WDPCP: variants seen among roughly 807,000 people sequenced by gnomAD.
WDPCP encodes WD repeat-containing and planar cell polarity effector protein fritz homolog.
In WDPCP, 71 loss-of-function variants were observed where a neutral mutation model predicts 93.1. The observed-to-expected ratio is 0.76, with a 90% CI of 0.63 to 0.93. The LOEUF is 0.93. Among genes scored for constraint, WDPCP ranks in the 40% least tolerant of loss-of-function variants. WDPCP has a pLI of 0.00. For missense variants in WDPCP, 844 were observed against 887.4 expected, an observed-to-expected ratio of 0.95 and a Z score of 0.62; for synonymous variants, 315 against 315.0, an observed-to-expected ratio of 1.00 and a Z score of 0.00.
At chr2:63,307,812 T>C (rs1685859710) in intron 13 of WDPCP, among the ~76,000 whole-genome samples, 1 of 152,144 alleles carries the variant, frequency 6.6e-6, no homozygotes, top group Non-Finnish European at 1.5e-5. Flanking sequence ...GACACAGGCA[T>C]GGGCAAAGAC....
intron 2 of WDPCP, among the ~76,000 whole-genome samples, chr2:63,748,432 T>C (rs916726699): frequency 2.0e-5 from 3 of 152,084 alleles, no homozygotes; most frequent in Non-Finnish European, 2.9e-5. Flanking sequence ...GATGTTTTTA[T>C]TATAAATGAA....
At chr2:63,513,333 G>T (rs942653117) in intron 1 of WDPCP, among the ~76,000 whole-genome samples, 55 of 152,034 alleles carry the variant, frequency 3.6e-4, no homozygotes, top group Non-Finnish European at 5.9e-5. Flanking sequence ...CAAAAATGGT[G>T]GCATAACCAT....
At chr2:63,639,242 A>C (rs1455282525) in intron 3 of WDPCP, among the ~76,000 whole-genome samples, 1 of 152,206 alleles carries the variant, frequency 6.6e-6, no homozygotes, top group East Asian at 1.9e-4. Context: ...TCTCAAAAAA[A>C]AGAGATCCTC....
chr2:63,386,382 C>T (rs1176542342), intron 10 of WDPCP, among the ~76,000 whole-genome samples: 1 of 151,770 alleles, frequency 6.6e-6, no homozygotes, highest in Admixed American at 6.6e-5. Context: ...AGAAAAAATC[C>T]AATTAAATTT....
chr2:63,749,940 C>G (rs1348401453), intron 2 of WDPCP, among the ~76,000 whole-genome samples: 1 of 152,024 alleles, frequency 6.6e-6, no homozygotes, highest in African/African-American at 2.4e-5. Context: ...ATATGCTCTT[C>G]CAATGCAAAT....
At chr2:63,212,090 C>G (rs1333528498) in intron 14 of WDPCP, among the ~76,000 whole-genome samples, 1 of 152,010 alleles carries the variant, frequency 6.6e-6, no homozygotes, top group Non-Finnish European at 1.5e-5. Context: ...CAAGGCAGGC[C>G]AACATTCAAA....
At chr2:63,213,535 T>C (rs1677029141) in intron 14 of WDPCP, among the ~76,000 whole-genome samples, 1 of 152,028 alleles carries the variant, frequency 6.6e-6, no homozygotes, top group African/African-American at 2.4e-5. Flanking sequence ...AGATCTAAAA[T>C]TGACACCCTA....
intron 14 of WDPCP, among the ~76,000 whole-genome samples, chr2:63,201,013 A>C (rs949914523): frequency 6.6e-6 from 1 of 152,178 alleles, no homozygotes; most frequent in Non-Finnish European, 1.5e-5. Context: ...CAAATCTACC[A>C]AATCTAATGT....
At chr2:63,654,506 C>T (rs1425246647) in intron 2 of WDPCP, among the ~76,000 whole-genome samples, 1 of 152,202 alleles carries the variant, frequency 6.6e-6, no homozygotes. Flanking sequence ...TGGATGCCTT[C>T]TTCCTTCCTC....
chr2:63,763,928 G>A (rs532857567), intron 2 of WDPCP, among the ~76,000 whole-genome samples: 1 of 152,256 alleles, frequency 6.6e-6, no homozygotes, highest in East Asian at 1.9e-4. Context: ...AGTGATGACT[G>A]ACTAAAATTC....
At chr2:63,328,704 A>G (rs1466892630) in intron 12 of WDPCP, among the ~76,000 whole-genome samples, 1 of 152,138 alleles carries the variant, frequency 6.6e-6, no homozygotes, top group Non-Finnish European at 1.5e-5. Flanking sequence ...TATCACTTCC[A>G]AAAATTTCCT....
At chr2:63,203,231 A>C (rs568947271) in intron 14 of WDPCP, among the ~76,000 whole-genome samples, 1 of 152,246 alleles carries the variant, frequency 6.6e-6, no homozygotes, top group African/African-American at 2.4e-5. Context: ...AGATGTTCTG[A>C]AACAGGCATG....
intron 2 of WDPCP, among the ~76,000 whole-genome samples, chr2:63,794,727 G>T (rs1380532965): frequency 6.6e-6 from 1 of 152,174 alleles, no homozygotes; most frequent in African/African-American, 2.4e-5. Context: ...ACCACTTTGA[G>T]TTGGGTTTTC....
chr2:63,678,290 T>A (rs1710448262), intron 2 of WDPCP, among the ~76,000 whole-genome samples: 1 of 152,186 alleles, frequency 6.6e-6, no homozygotes, highest in African/African-American at 2.4e-5. Context: ...AAAGGCTGCA[T>A]CAGCTAATTT....
chr2:63,824,615 T>A (rs1671085248), intron 1 of WDPCP, among the ~76,000 whole-genome samples: 1 of 151,636 alleles, frequency 6.6e-6, no homozygotes, highest in Non-Finnish European at 1.5e-5. Flanking sequence ...AGCCATTTTT[T>A]AAAAGAATCA....
At chr2:63,361,209 AATTG>A (rs922009670) in intron 12 of WDPCP, among the ~76,000 whole-genome samples, 1 of 152,204 alleles carries the variant, frequency 6.6e-6, no homozygotes, top group Non-Finnish European at 1.5e-5. Context: ...AAATGCATAA[AATTG>A]ATTAAGATGG....
At chr2:63,227,581 A>T (rs1442378559) in intron 14 of WDPCP, among the ~76,000 whole-genome samples, 2 of 152,044 alleles carry the variant, frequency 1.3e-5, no homozygotes, top group African/African-American at 4.8e-5. Flanking sequence ...AGTGGACTTA[A>T]AAAGCAGACT....
intron 6 of WDPCP, among the ~76,000 whole-genome samples, chr2:63,459,590 C>A (rs1036803260): frequency 6.6e-6 from 1 of 152,118 alleles, no homozygotes; most frequent in African/African-American, 2.4e-5. Flanking sequence ...ATTAGTACAA[C>A]CACTATGGAA....
intron 1 of WDPCP, among the ~76,000 whole-genome samples, chr2:63,573,522 T>C (rs1197313718): frequency 6.6e-6 from 1 of 152,232 alleles, no homozygotes; most frequent in Non-Finnish European, 1.5e-5. Context: ...TGATTTCCTA[T>C]GCCCGTTTTT....
Sources: gnomAD v4.1 joint callset for allele counts (sites outside exome capture counted in the v4.1 genomes callset) on GRCh38, gnomAD v4.1.1 for gene constraint, MANE v1.5 for transcripts, NCBI Gene and HGNC (gene_info 2026-07-23, HGNC 2026-07-21) for gene names.